Variants in CDH13 observed in about 807,000 individuals in gnomAD.
CDH13 encodes the protein cadherin-13.
CDH13 carries 24 observed loss-of-function variants against 63.8 expected under a neutral mutation model. That is an observed-to-expected ratio of 0.38 (90% confidence interval 0.27 to 0.53). The LOEUF is 0.53. Ranked by LOEUF, CDH13 falls within the 20% of genes least tolerant of loss-of-function variation. CDH13 has a pLI of 0.85. For missense variants in CDH13, 1,049 were observed against 903.1 expected, an observed-to-expected ratio of 1.16 and a Z score of -2.07; for synonymous variants, 503 against 355.3, an observed-to-expected ratio of 1.42 and a Z score of -4.67.
At chr16:83,430,373 A>G (rs1275363469) in intron 6 of CDH13, among the ~76,000 whole-genome samples, 3 of 152,254 alleles carry the variant, frequency 2.0e-5, no homozygotes, top group Admixed American at 2.0e-4. Context: ...GACAGAAAAC[A>G]GGGCATAAGG....
chr16:83,192,775 C>T (rs561819144), intron 4 of CDH13, among the ~76,000 whole-genome samples: 56 of 152,232 alleles, frequency 3.7e-4, no homozygotes, highest in African/African-American at 1.3e-3. Flanking sequence ...TGACCTGATG[C>T]ATGCACCAGG....
intron 6 of CDH13, among the ~76,000 whole-genome samples, chr16:83,429,594 T>G (rs1474801068): frequency 1.3e-5 from 2 of 151,030 alleles, no homozygotes; most frequent in African/African-American, 4.9e-5. Flanking sequence ...AAAATAAAAA[T>G]AAATTACCTG....
chr16:83,478,802 C>A (rs2073679410), intron 6 of CDH13, among the ~76,000 whole-genome samples: 2 of 148,100 alleles, frequency 1.4e-5, no homozygotes, highest in South Asian at 2.1e-4. Context: ...ACCAACCTCC[C>A]ACCTGGCTGG....
chr16:83,275,603 G>A (rs76693104), intron 5 of CDH13, among the ~76,000 whole-genome samples: 1,620 of 152,194 alleles, frequency 0.011, 22 homozygotes, highest in East Asian at 0.069. Context: ...TAAGGAGGGG[G>A]CACCATTTTC....
rs902212561 is a variant in CDH13, at chr16:82,911,022, C to G, written c.157+52549C>G. Among the ~76,000 whole-genome samples, 4 of 152,258 alleles carry G rather than the reference C, an allele frequency of 2.6e-5. No homozygotes were observed. In the Middle Eastern group the frequency reaches 0.014, roughly 518 times the overall value. On this transcript the variant is annotated intron_variant, in intron 2 of 13. Transcript: ENST00000567109. Reference sequence around the variant, plus strand: ...CTGAGGTTGGTGTACACTCAGAACTCAGTACTGCCGCAGAGTAAGGCAGAC... The same window carrying G: ...CTGAGGTTGGTGTACACTCAGAACTGAGTACTGCCGCAGAGTAAGGCAGAC...
At chr16:82,981,112 T>A (rs577411444) in intron 2 of CDH13, among the ~76,000 whole-genome samples, 24 of 152,330 alleles carry the variant, frequency 1.6e-4, no homozygotes, top group African/African-American at 5.5e-4. Flanking sequence ...ACTCCATTTC[T>A]ATGGGAATAT....
chr16:83,430,832 T>C (rs917846140), intron 6 of CDH13, among the ~76,000 whole-genome samples: 9 of 152,148 alleles, frequency 5.9e-5, no homozygotes, highest in Non-Finnish European at 8.8e-5. Flanking sequence ...CTTTTTTTTT[T>C]ATACTTTAAG....
At chr16:83,325,109 G>GT (rs1159918286) in intron 5 of CDH13, among the ~76,000 whole-genome samples, 3 of 152,134 alleles carry the variant, frequency 2.0e-5, no homozygotes, top group Non-Finnish European at 2.9e-5. Context: ...ATGGGATCTC[G>GT]TTATTATATT....
chr16:82,706,477 G>C (rs1050668648), intron 1 of CDH13, among the ~76,000 whole-genome samples: 8 of 152,054 alleles, frequency 5.3e-5, no homozygotes, highest in Non-Finnish European at 1.2e-4. Flanking sequence ...GGTTGGCCTG[G>C]AGAAAAAACA....
At chr16:83,564,083 T>G (rs1261919338) in intron 7 of CDH13, among the ~76,000 whole-genome samples, 1 of 152,210 alleles carries the variant, frequency 6.6e-6, no homozygotes, top group Non-Finnish European at 1.5e-5. Context: ...ATACGTGAAA[T>G]GATTAGCACC....
At chr16:83,653,688 A>C (rs1158727010) in intron 8 of CDH13, among the ~76,000 whole-genome samples, 1 of 152,190 alleles carries the variant, frequency 6.6e-6, no homozygotes, top group African/African-American at 2.4e-5. Flanking sequence ...AGGTTTAGAA[A>C]GGAAGAAATC....
intron 2 of CDH13, among the ~76,000 whole-genome samples, chr16:82,949,886 C>T (rs764970290): frequency 8.6e-5 from 13 of 151,928 alleles, no homozygotes; most frequent in Non-Finnish European, 1.6e-4. Flanking sequence ...AGATCCTGAC[C>T]AATTGGGTGC....
chr16:82,719,739 G>T (rs1039135998), intron 1 of CDH13, among the ~76,000 whole-genome samples: 1 of 151,310 alleles, frequency 6.6e-6, no homozygotes, highest in South Asian at 2.1e-4. Context: ...CCGGCTACTC[G>T]GGAGGCTGAA....
chr16:83,734,101 A>G (rs1350806448), intron 10 of CDH13, among the ~76,000 whole-genome samples: 1 of 152,206 alleles, frequency 6.6e-6, no homozygotes, highest in Non-Finnish European at 1.5e-5. Flanking sequence ...GAACCAAAAA[A>G]CAGGGACCAC....
intron 5 of CDH13, among the ~76,000 whole-genome samples, chr16:83,295,505 A>C (rs1037649689): frequency 6.6e-6 from 1 of 152,198 alleles, no homozygotes; most frequent in Non-Finnish European, 1.5e-5. Flanking sequence ...ATAATTGAAA[A>C]ATGGGAAAAG....
chr16:83,228,974 T>G (rs552750507), intron 5 of CDH13, among the ~76,000 whole-genome samples: 33 of 152,128 alleles, frequency 2.2e-4, no homozygotes, highest in African/African-American at 7.2e-4. Context: ...AAGACCTGGG[T>G]AGTGAATGGG....
chr16:82,932,266 A>T (rs2042521634), intron 2 of CDH13, among the ~76,000 whole-genome samples: 1 of 152,154 alleles, frequency 6.6e-6, no homozygotes, highest in African/African-American at 2.4e-5. Context: ...AAAATTGTTT[A>T]TCTGAGATTC....
At chr16:82,894,632 A>T (rs1310290003) in intron 2 of CDH13, among the ~76,000 whole-genome samples, 2 of 152,132 alleles carry the variant, frequency 1.3e-5, no homozygotes, top group African/African-American at 4.8e-5. Context: ...ACACAGCAAA[A>T]CCTCCATCTC....
At chr16:83,411,305 C>G (rs2092122335) in intron 6 of CDH13, among the ~76,000 whole-genome samples, 1 of 152,180 alleles carries the variant, frequency 6.6e-6, no homozygotes. Context: ...TAGCATCCCC[C>G]TTTACTGTGT....
Sources: allele counts gnomAD v4.1 joint callset (sites outside exome capture counted in the v4.1 genomes callset), GRCh38; gene constraint gnomAD v4.1.1; transcripts MANE v1.5; gene names NCBI Gene and HGNC (gene_info 2026-07-23, HGNC 2026-07-21).